The following FCHSD2 variants were observed in gnomAD, a reference collection of about 807,000 sequenced individuals.
FCHSD2 encodes F-BAR and double SH3 domains protein 2.
A neutral mutation model predicts 108.1 loss-of-function variants in FCHSD2; 38 were observed. The ratio of observed to expected loss-of-function variants is 0.35; its 90% confidence interval spans 0.27 to 0.46. The LOEUF is 0.46. Among genes scored for constraint, FCHSD2 ranks in the 20% least tolerant of loss-of-function variants. The pLI, the probability that FCHSD2 is intolerant of heterozygous loss-of-function variation, is 1.00. For missense variants in FCHSD2, 751 were observed against 897.8 expected, an observed-to-expected ratio of 0.84 and a Z score of 2.09; for synonymous variants, 279 against 314.7, an observed-to-expected ratio of 0.89 and a Z score of 1.20.
intron 6 of FCHSD2, among the ~76,000 whole-genome samples, chr11:72,986,541 G>A (rs1304818352): frequency 6.6e-6 from 1 of 152,076 alleles, no homozygotes; most frequent in Non-Finnish European, 1.5e-5. Flanking sequence ...TCATATTCCT[G>A]TTTATTTTAT....
At chr11:73,065,777 C>T (rs1395488622) in intron 3 of FCHSD2, among the ~76,000 whole-genome samples, 1 of 152,060 alleles carries the variant, frequency 6.6e-6, no homozygotes, top group Non-Finnish European at 1.5e-5. Context: ...AATAAAATAC[C>T]TAGGAATCCA....
intron 8 of FCHSD2, among the ~76,000 whole-genome samples, chr11:72,943,530 G>A (rs1252766540): frequency 6.6e-6 from 1 of 152,150 alleles, no homozygotes. Context: ...TTTATTAATA[G>A]CTTTAATGAA....
intron 8 of FCHSD2, among the ~76,000 whole-genome samples, chr11:72,965,752 T>C (rs1053981907): frequency 6.6e-6 from 1 of 152,218 alleles, no homozygotes; most frequent in African/African-American, 2.4e-5. Flanking sequence ...CTGACTTCTA[T>C]TAGCACAGAT....
At chr11:72,896,048 A>G (rs1203480196) in intron 10 of FCHSD2, among the ~76,000 whole-genome samples, 3 of 152,260 alleles carry the variant, frequency 2.0e-5, no homozygotes, top group African/African-American at 7.2e-5. Context: ...TAATAGATGC[A>G]TAAATCACTC....
At chr11:72,938,451 T>A (rs186133124) in intron 8 of FCHSD2, among the ~76,000 whole-genome samples, 1 of 152,290 alleles carries the variant, frequency 6.6e-6, no homozygotes, top group East Asian at 1.9e-4. Context: ...TTAAGGGTGT[T>A]CAAAGCAGTA....
At chr11:72,919,548 T>C (rs549466266) in intron 9 of FCHSD2, among the ~76,000 whole-genome samples, 2 of 152,284 alleles carry the variant, frequency 1.3e-5, no homozygotes, top group East Asian at 1.9e-4. Flanking sequence ...ATTTCCTCCA[T>C]ATAAAATGAA....
At chr11:72,885,445 TAACA>T (rs1591369529) in intron 12 of FCHSD2, among the ~76,000 whole-genome samples, 1 of 152,154 alleles carries the variant, frequency 6.6e-6, no homozygotes, top group African/African-American at 2.4e-5. Flanking sequence ...AGTTTGAAAC[TAACA>T]AACACAGTCT....
Position 72,889,840 on chromosome 11 carries a change from G to A in FCHSD2, c.1030C>T (p.His344Tyr). The change falls in exon 11 of 20, where the codon CAC (histidine) becomes TAC (tyrosine). Residue 344 changes from histidine (H) to tyrosine (Y), a missense_variant. Physicochemically the swap from His to Tyr is moderately conservative, Grantham distance 83. Coordinates refer to ENST00000409418, the MANE Select transcript of FCHSD2 (RefSeq NM_014824.3). The stretch of plus-strand genomic sequence containing the variant: ...TCTCTTACACTTACCCGTTGTTGGT[G>A]AACAATGTTTTTATGCTCACGTGCC... ...RVAREHKNIV[H>Y]QQRVLNDLEC... 6.2e-7 allele frequency: 1 copy of A among 1,603,252 alleles called. No homozygotes were observed. The highest frequency in any genetic ancestry group is 8.5e-7 in the Non-Finnish European group (1 of 1,170,272).
intron 8 of FCHSD2, among the ~76,000 whole-genome samples, chr11:72,930,702 C>T (rs1428102618): frequency 6.6e-6 from 1 of 152,176 alleles, no homozygotes; most frequent in Non-Finnish European, 1.5e-5. Flanking sequence ...AAAATCGTGC[C>T]ACTGCACTCC....
At chr11:73,076,772 G>A (rs1859562704) in intron 3 of FCHSD2, among the ~76,000 whole-genome samples, 1 of 152,128 alleles carries the variant, frequency 6.6e-6, no homozygotes, top group Non-Finnish European at 1.5e-5. Flanking sequence ...AACAAATTTT[G>A]TAATGTATTG....
intron 8 of FCHSD2, among the ~76,000 whole-genome samples, chr11:72,971,617 A>C (rs1234844270): frequency 6.6e-6 from 1 of 152,196 alleles, no homozygotes; most frequent in Non-Finnish European, 1.5e-5. Flanking sequence ...CCCAGCCTAC[A>C]GCCAGCAAGA....
chr11:72,993,414 T>C (rs536862038), intron 5 of FCHSD2, among the ~76,000 whole-genome samples: 3,396 of 152,274 alleles, frequency 0.022, 133 homozygotes, highest in African/African-American at 0.076. Context: ...ACTGGGTATA[T>C]ACCCAAAGGA....
At chr11:72,866,314 G>T (rs1360742621) in intron 13 of FCHSD2, among the ~76,000 whole-genome samples, 1 of 152,090 alleles carries the variant, frequency 6.6e-6, no homozygotes, top group East Asian at 1.9e-4. Flanking sequence ...TTGTCACCCA[G>T]GCTGGAGTGC....
chr11:72,993,272 A>G (rs1197050573), intron 5 of FCHSD2, among the ~76,000 whole-genome samples: 5 of 152,324 alleles, frequency 3.3e-5, no homozygotes, highest in Non-Finnish European at 5.9e-5. Context: ...GGTGCTGGAG[A>G]GGATGTGGAG....
At chr11:72,894,542 T>C (rs1011289453) in intron 10 of FCHSD2, among the ~76,000 whole-genome samples, 2 of 152,122 alleles carry the variant, frequency 1.3e-5, no homozygotes, top group African/African-American at 4.8e-5. Context: ...AGTTAAATAT[T>C]GGATCCATCT....
chr11:72,851,077 G>A (rs1467123303), intron 13 of FCHSD2, among the ~76,000 whole-genome samples: 2 of 147,396 alleles, frequency 1.4e-5, no homozygotes, highest in African/African-American at 5.1e-5. Context: ...ACTACAGCTG[G>A]GGCGACACAG....
chr11:73,010,104 T>C (rs1857829802), intron 4 of FCHSD2, among the ~76,000 whole-genome samples: 1 of 152,238 alleles, frequency 6.6e-6, no homozygotes, highest in South Asian at 2.1e-4. Flanking sequence ...CTTATTTTTC[T>C]TCTTTTTGAC....
At chr11:72,972,641 T>C (rs1211490258) in intron 8 of FCHSD2, among the ~76,000 whole-genome samples, 2 of 152,248 alleles carry the variant, frequency 1.3e-5, no homozygotes, top group Non-Finnish European at 2.9e-5. Flanking sequence ...TGGTAAAGAC[T>C]TACAAGAAGC....
chr11:73,126,216 A>C (rs1222954889), intron 2 of FCHSD2, among the ~76,000 whole-genome samples: 1 of 151,470 alleles, frequency 6.6e-6, no homozygotes, highest in Non-Finnish European at 1.5e-5. Context: ...CATGGGTACC[A>C]GTAATCCCAG....
Sources: allele counts gnomAD v4.1 joint callset (sites outside exome capture counted in the v4.1 genomes callset), GRCh38; gene constraint gnomAD v4.1.1; transcripts MANE v1.5; gene names NCBI Gene and HGNC (gene_info 2026-07-23, HGNC 2026-07-21).